The following WDR81 variants were observed in gnomAD, a reference collection of about 807,000 sequenced individuals.
The protein encoded by WDR81 is WD repeat-containing protein 81.
WDR81 carries 92 observed loss-of-function variants against 140.8 expected under a neutral mutation model. The ratio of observed to expected loss-of-function variants is 0.65; its 90% CI spans 0.55 to 0.78. The LOEUF is 0.78. Ranked by LOEUF, WDR81 falls within the 30% of genes least tolerant of loss-of-function variation. WDR81 has a pLI of 0.00. For missense variants in WDR81, 2,502 were observed against 2,636.4 expected, an observed-to-expected ratio of 0.95 and a Z score of 1.12; for synonymous variants, 1,183 against 1,156.4, an observed-to-expected ratio of 1.02 and a Z score of -0.47.
At position 1,725,841 on chromosome 17, in the gene WDR81, G is replaced by A; in HGVS notation, c.882G>A (p.Lys294=). ...LSLYHIAVDE[K]LCSELRLDLS... ...TGTATCACATCGCAGTGGATGAGAAGCTTTGCAGCGAGCTGCGACTGGACC... is the reference window on the plus strand; with the variant it reads ...TGTATCACATCGCAGTGGATGAGAAACTTTGCAGCGAGCTGCGACTGGACC... Residue 294 remains lysine (K), a synonymous_variant, in exon 1 of 10, where the codon AAG becomes AAA. Coordinates refer to ENST00000409644, the MANE Select transcript of WDR81 (RefSeq NM_001163809.2). 2 of 1,550,698 alleles carry A rather than the reference G, an allele frequency of 1.3e-6. No individual in the cohort carries two copies. Among genetic ancestry groups the A allele is most frequent in the Non-Finnish European group, 8.7e-7 (1 of 1,146,880 alleles).
chr17:1,734,017 G>C lies in WDR81; in HGVS notation c.4980G>C (p.Glu1660Asp). Residue 1660 changes from glutamate (E) to aspartate (D), a missense_variant, in exon 7 of 10, where the codon GAG becomes GAC. Glu to Asp is a conservative substitution (Grantham distance 45). Around this residue, in one of 3 missense-constraint regions of WDR81, gnomAD observed 1,737 missense variants for 1,843.0 expected, o/e 0.94. Coordinates refer to ENST00000409644, the MANE Select transcript of WDR81 (RefSeq NM_001163809.2). ...AVKCVAPLSSEDFFLSGSKDR... is the reference protein window; with the variant it reads ...AVKCVAPLSSDDFFLSGSKDR... ...AGTGCGTGGCACCCCTAAGCAGCGA[G>C]GACTTCTTCCTGAGCGGCAGCAAGG... The C allele has an allele frequency of 6.2e-7, 1 of 1,612,248 alleles. No homozygotes were observed. Among genetic ancestry groups the C allele is most frequent in the Non-Finnish European group, 8.5e-7 (1 of 1,179,942 alleles).
At position 1,726,001 on chromosome 17, in the gene WDR81, C is replaced by G. The variant is rs1417352352; in HGVS notation, c.1042C>G (p.Leu348Val). 23 of 1,548,078 alleles carry G rather than the reference C, an allele frequency of 1.5e-5. No homozygotes were observed. The Admixed American group carries it at 4.5e-4, about 30-fold the overall frequency. The change falls in exon 1 of 10, where the codon CTC becomes GTC. Residue 348 changes from leucine to valine, a missense_variant. By Grantham distance (32) the Leu-to-Val change is conservative. Coordinates refer to ENST00000409644, the MANE Select transcript of WDR81 (RefSeq NM_001163809.2). ...CACTGGCCAGGAGGAACTTCGGAGC[C>G]TCGTGCTAGATTGGGTCCACGGCCG... is the stretch of plus-strand genomic sequence containing the variant. ...QPTGQEELRSLVLDWVHGRIS... is the reference protein window; with the variant it reads ...QPTGQEELRSVVLDWVHGRIS...
At chr17:1,716,869 GT>G (rs1388279440) in intron 1 of WDR81, among the ~76,000 whole-genome samples, 1 of 152,186 alleles carries the variant, frequency 6.6e-6, no homozygotes, top group African/African-American at 2.4e-5. Flanking sequence ...GCTCTCCAGG[GT>G]TTTTGGAGGA....
At chr17:1,732,865 C>T (rs767457736) in intron 6 of WDR81, 34 bp downstream of exon 6, 20 of 1,563,490 alleles carry the variant, frequency 1.3e-5, no homozygotes, top group South Asian at 4.8e-5. Flanking sequence ...TCACAGTCTT[C>T]GTGGCTGTCT....
At chr17:1,737,268 C>T in intron 9 of WDR81, 97 bp from the exon 10 acceptor site, 2 of 1,298,550 alleles carry the variant, frequency 1.5e-6, no homozygotes, top group East Asian at 2.5e-5. Context: ...GCCTGTCTCC[C>T]TGGAGAGAAA....
At chr17:1,734,519 G>T (rs560611290) in intron 7 of WDR81, among the ~76,000 whole-genome samples, 28 of 152,316 alleles carry the variant, frequency 1.8e-4, no homozygotes, top group African/African-American at 6.5e-4. Flanking sequence ...AGTGGCTCAC[G>T]CCTGTAATCC....
In WDR81 at chr17:1,737,608, A is replaced by G. The variant is rs775149166; in HGVS notation, c.5749A>G (p.Thr1917Ala). Residue 1917 changes from threonine to alanine, a missense_variant, in exon 10 of 10, where the codon ACC (threonine) becomes GCC (alanine). Thr to Ala is a moderately conservative substitution (Grantham distance 58). Around this residue, in one of 3 missense-constraint regions of WDR81, gnomAD observed 1,737 missense variants for 1,843.0 expected, o/e 0.94. Coordinates refer to ENST00000409644, the MANE Select transcript of WDR81 (RefSeq NM_001163809.2). ...LSSENFRGTL[T>A]SLALLPTKRH... The stretch of plus-strand genomic sequence containing the variant: ...CTCTGAGAACTTCCGCGGCACGCTC[A>G]CCAGCCTGGCCTTGCTGCCCACTAA... 1.2e-6 allele frequency: 2 copies of G among 1,612,774 alleles called. No individual in the cohort carries two copies. Among genetic ancestry groups the G allele is most frequent in the Non-Finnish European group, 8.5e-7 (1 of 1,179,986 alleles).
At chr17:1,734,777 TCA>T (rs1491117187) in intron 7 of WDR81, among the ~76,000 whole-genome samples, 84 of 114,376 alleles carry the variant, frequency 7.3e-4, no homozygotes, top group East Asian at 9.1e-4. Flanking sequence ...AGACTCTGTC[TCA>T]AAAAAAAAAA....
In WDR81 at chr17:1,735,818, G is replaced by C; in HGVS notation, c.5325+101G>C. ...CAGAAAGCCAGGATGTTGTTCTGGG[G>C]CCCTAGTTAGTTTCTCTTTGGTGCT... On this transcript the variant is annotated intron_variant, in intron 8 of 9. Coordinates refer to ENST00000409644, the MANE Select transcript of WDR81 (RefSeq NM_001163809.2). The surrounding 1 kb of genome is among the most constrained non-coding windows in gnomAD (Gnocchi z 4.2). 1 of 1,470,866 alleles carries C rather than the reference G, an allele frequency of 6.8e-7. No homozygotes were observed. Among genetic ancestry groups the C allele is most frequent in the Non-Finnish European group, 9.1e-7 (1 of 1,097,794 alleles). The allele number at this position is 1,470,866 out of a possible 1,614,324, so 91.1% of individuals were successfully genotyped here.
chr17:1,720,514 C>G (rs773034580), upstream of WDR81, among the ~76,000 whole-genome samples: 1 of 152,178 alleles, frequency 6.6e-6, no homozygotes, highest in Non-Finnish European at 1.5e-5. Context: ...TGGTGGCTCA[C>G]GCCTGTAATT....
Position 1,726,241 on chromosome 17 carries a change from G to A in WDR81, c.1282G>A (p.Gly428Arg), listed in dbSNP as rs538053238. Residue 428 changes from glycine (G) to arginine (R), a missense_variant, in exon 1 of 10, where the codon GGG becomes AGG. Around this residue, in one of 3 missense-constraint regions of WDR81, gnomAD observed 218 missense variants for 279.6 expected, o/e 0.78. Transcript: ENST00000409644. Reference sequence around the variant, plus strand: ...GACACGGCAGGCATTCGTAGCAGGCGGGGCGGGCGGCGGGGAACCCCCTCA... The same window carrying A: ...GACACGGCAGGCATTCGTAGCAGGCAGGGCGGGCGGCGGGGAACCCCCTCA... ...EMTRQAFVAG[G>R]AGGGEPPHVP... The A allele has an allele frequency of 3.3e-6, 5 of 1,532,472 alleles. No homozygotes were observed. Among genetic ancestry groups the A allele is most frequent in the East Asian group, 4.9e-5 (2 of 40,704 alleles). 94.9% of individuals were successfully genotyped at this position (1,532,472 alleles called of 1,614,324 possible). A position where few individuals can be genotyped will look rare whatever the true frequency, so the allele number is the denominator to read the frequency against.
chr17:1,724,798 C>G lies in WDR81; in HGVS notation c.-162C>G, dbSNP rs1220540665. The G allele has an allele frequency of 8.4e-7, 1 of 1,186,930 alleles. No homozygotes were observed. The highest frequency in any genetic ancestry group is 1.0e-6 in the Non-Finnish European group (1 of 959,014). The allele number at this position is 1,186,930 out of a possible 1,614,324, so 73.5% of individuals were successfully genotyped here. The stretch of plus-strand genomic sequence containing the variant: ...GGACCCGCGGAGGGGTAAGCGCGCC[C>G]CCCGTCCGCCTCTTCGCCGCCGCCG... On this transcript the variant is annotated 5_prime_UTR_variant, in exon 1 of 10. Coordinates refer to ENST00000409644, the MANE Select transcript of WDR81 (RefSeq NM_001163809.2).
At chr17:1,734,413 C>G (rs1374858554) in intron 7 of WDR81, among the ~76,000 whole-genome samples, 197 bp downstream of exon 7, 1 of 152,222 alleles carries the variant, frequency 6.6e-6, no homozygotes, top group Non-Finnish European at 1.5e-5. Flanking sequence ...TGCTGAGTGA[C>G]CTTGAGCAAG....
intron 1 of WDR81, among the ~76,000 whole-genome samples, chr17:1,729,090 C>A (rs538849526): frequency 5.9e-5 from 9 of 152,180 alleles, no homozygotes; most frequent in Non-Finnish European, 8.8e-5. Context: ...GAGCTCACAC[C>A]CAGCAGACGA....
chr17:1,737,793 C>T lies in WDR81; in HGVS notation c.*108C>T, dbSNP rs1169516513. On this transcript the variant is annotated 3_prime_UTR_variant, in exon 10 of 10. Coordinates refer to ENST00000409644, the MANE Select transcript of WDR81 (RefSeq NM_001163809.2). ...CCCTCCAGGGAGGCCCTGGGTCCCA[C>T]GCCCTGGGTGCCCACATGGCCTGCC... 27 of 1,382,442 alleles carry T rather than the reference C, an allele frequency of 2.0e-5. No individual in the cohort carries two copies. Among genetic ancestry groups the T allele is most frequent in the South Asian group, 5.8e-5 (4 of 68,696 alleles). The allele number at this position is 1,382,442 out of a possible 1,614,324, so 85.6% of individuals were successfully genotyped here.
chr17:1,736,334 C>T, intron 9 of WDR81, 116 bp downstream of exon 9: 1 of 1,269,284 alleles, frequency 7.9e-7, no homozygotes, highest in Admixed American at 2.6e-5. Flanking sequence ...TCTTATATAC[C>T]TGGTCCAGGA....
chr17:1,718,461 C>T (rs1006773086), intron 1 of WDR81, among the ~76,000 whole-genome samples: 3 of 152,230 alleles, frequency 2.0e-5, no homozygotes, highest in African/African-American at 7.2e-5. Flanking sequence ...GCCACCTGGT[C>T]CCTGGGCCGC....
upstream of WDR81, among the ~76,000 whole-genome samples, chr17:1,720,583 C>T (rs1013287570): frequency 6.6e-6 from 1 of 151,936 alleles, no homozygotes; most frequent in Admixed American, 6.6e-5. Context: ...TTGAGACCAG[C>T]CTGGCCAACA....
Position 1,732,672 on chromosome 17 carries a change from A to T in WDR81, c.4330A>T (p.Lys1444Ter). ...QLHELRQQDL[K>*]LDPAGRGEGQ... ...CTGGGTGTCTTGCTCATAGGATCTG[A>T]AGCTGGACCCTGCGGGCCGTGGTGA... Residue 1444 changes from lysine to a stop codon, truncating the protein, a stop_gained, in exon 6 of 10, where the codon AAG becomes TAG. Coordinates refer to ENST00000409644, the MANE Select transcript of WDR81 (RefSeq NM_001163809.2). LOFTEE classifies it high-confidence loss of function. 6.2e-7 allele frequency: 1 copy of T among 1,605,190 alleles called. No individual in the cohort carries two copies. Among genetic ancestry groups the T allele is most frequent in the Non-Finnish European group, 8.5e-7 (1 of 1,175,620 alleles).
Sources: allele counts gnomAD v4.1 joint callset (sites outside exome capture counted in the v4.1 genomes callset), GRCh38; gene constraint gnomAD v4.1.1; regional missense constraint gnomAD v4.1.1; non-coding constraint Gnocchi (gnomAD v3.1); transcripts MANE v1.5; gene names NCBI Gene and HGNC (gene_info 2026-07-23, HGNC 2026-07-21).